Variants in CCDC171 observed in about 807,000 individuals in gnomAD.
CCDC171 encodes coiled-coil domain containing 171.
In CCDC171, 177 loss-of-function variants were observed where a neutral mutation model predicts 168.2. The ratio of observed to expected loss-of-function variants is 1.05; its 90% CI spans 0.93 to 1.19. The LOEUF (loss-of-function observed/expected upper bound fraction) is 1.19, where lower values mean the gene tolerates loss of function less well. Among genes scored for constraint, CCDC171 ranks in the 50% most tolerant of loss-of-function variants. The probability of loss-of-function intolerance (pLI) is 0.00; values close to 1 mark genes in which losing one functional copy is unlikely to be tolerated. For missense variants in CCDC171, 1,991 were observed against 1,539.0 expected, an observed-to-expected ratio of 1.29 and a Z score of -4.91; for synonymous variants, 687 against 540.8, an observed-to-expected ratio of 1.27 and a Z score of -3.75.
chr9:15,624,795 C>T (rs1318741748), intron 7 of CCDC171, among the ~76,000 whole-genome samples: 1 of 152,060 alleles, frequency 6.6e-6, no homozygotes, highest in Admixed American at 6.6e-5. Context: ...GTCTTTATAG[C>T]AGCATGATTT....
chr9:15,571,448 T>A (rs1263357378), intron 2 of CCDC171, among the ~76,000 whole-genome samples, 176 bp from the exon 3 acceptor site: 2 of 152,160 alleles, frequency 1.3e-5, no homozygotes, highest in Non-Finnish European at 2.9e-5. Context: ...ATATACTACT[T>A]TGTATTTCTA....
intron 6 of CCDC171, among the ~76,000 whole-genome samples, chr9:15,620,441 G>A (rs1287057526): frequency 1.3e-5 from 2 of 152,164 alleles, no homozygotes; most frequent in African/African-American, 4.8e-5. Flanking sequence ...ATAAGTTACT[G>A]TAGGTTAGAA....
the CCDC171 span, among the ~76,000 whole-genome samples, chr9:16,082,152 A>G: frequency 6.6e-6 from 1 of 152,238 alleles, no homozygotes; most frequent in Admixed American, 6.5e-5. Context: ...AAGAAAAATC[A>G]TGACCTTTCA....
rs779856240 is a variant in CCDC171 at position 15,745,615 on chromosome 9, C to T, written c.2655C>T (p.Asp885=). 1.4e-5 allele frequency: 21 copies of T among 1,553,256 alleles called. No homozygotes were observed. The highest frequency in any genetic ancestry group is 7.4e-5 in the East Asian group (3 of 40,654). Residue 885 remains aspartate (D), a synonymous_variant, in exon 18 of 26, where the codon GAC becomes GAT. Transcript: ENST00000380701. ...TCAGTTCTATGGCTGAATTACAAGA[C>T]GTCATTGGTAAAGCAGGTATGGTTC... ...AIISSMAELQ[D]VIGKADPNSR...
At chr9:15,794,794 C>T (rs1256993957) in intron 21 of CCDC171, among the ~76,000 whole-genome samples, 1 of 152,192 alleles carries the variant, frequency 6.6e-6, no homozygotes, top group Admixed American at 6.5e-5. Context: ...GTTAAACCAG[C>T]CTTGTATTCC....
intron 16 of CCDC171, among the ~76,000 whole-genome samples, chr9:15,738,491 T>C: frequency 6.6e-6 from 1 of 152,198 alleles, no homozygotes; most frequent in East Asian, 1.9e-4. Context: ...ATATTATTTT[T>C]CGAAATTAAA....
At chr9:15,714,159 G>A (rs1404056842) in intron 11 of CCDC171, among the ~76,000 whole-genome samples, 1 of 152,146 alleles carries the variant, frequency 6.6e-6, no homozygotes, top group African/African-American at 2.4e-5. Flanking sequence ...GATGTGGTAG[G>A]AATCACCATG....
intron 3 of CCDC171, among the ~76,000 whole-genome samples, chr9:15,981,613 C>G (rs958825534): frequency 1.3e-5 from 2 of 152,144 alleles, no homozygotes; most frequent in African/African-American, 4.8e-5. Context: ...TAAGTTGTAA[C>G]TACCTAAACA....
At chr9:15,930,466 T>G (rs201228837) in intron 25 of CCDC171, among the ~76,000 whole-genome samples, 2 of 151,638 alleles carry the variant, frequency 1.3e-5, no homozygotes, top group East Asian at 3.9e-4. Flanking sequence ...AACATACCAC[T>G]TAAATGATTT....
intron 21 of CCDC171, among the ~76,000 whole-genome samples, chr9:15,793,558 T>G (rs1293097702): frequency 2.2e-5 from 1 of 44,478 alleles, no homozygotes; most frequent in Non-Finnish European, 5.7e-5. Flanking sequence ...AAGGTTTTTT[T>G]TTTTTTTTTT....
intron 8 of CCDC171, among the ~76,000 whole-genome samples, chr9:15,659,372 C>A (rs2048156489): frequency 6.6e-6 from 1 of 152,132 alleles, no homozygotes; most frequent in Admixed American, 6.5e-5. Context: ...AATGTTTTCT[C>A]AGCATTTGAT....
intron 21 of CCDC171, among the ~76,000 whole-genome samples, chr9:15,822,648 G>C (rs200028920): frequency 2.6e-5 from 4 of 152,104 alleles, no homozygotes; most frequent in Non-Finnish European, 5.9e-5. Context: ...CCATCTCACA[G>C]CAGTTAGAAT....
Position 15,721,822 on chromosome 9 carries a change from T to C in CCDC171, c.1372T>C (p.Leu458=), listed in dbSNP as rs750110352. Residue 458 remains leucine (L), a synonymous_variant, in exon 12 of 26, where the codon TTG becomes CTG. Transcript: ENST00000380701. ...PPSFSVVLER[L]RRTLTDYQNK... Reference sequence around the variant, plus strand: ...CAGCTTCTCTGTTGTCCTTGAGAGATTGAGGCGTACCTTGACAGATTACCA... The same window carrying C: ...CAGCTTCTCTGTTGTCCTTGAGAGACTGAGGCGTACCTTGACAGATTACCA... 6 of 1,567,328 alleles carry C rather than the reference T, an allele frequency of 3.8e-6. No homozygotes were observed. In the African/African-American group the frequency reaches 8.3e-5, roughly 22 times the overall value.
intron 2 of CCDC171, among the ~76,000 whole-genome samples, chr9:15,564,564 C>T (rs946826996): frequency 4.6e-5 from 7 of 152,190 alleles, no homozygotes; most frequent in African/African-American, 1.4e-4. Context: ...GTTTCGCTTC[C>T]TTACTTGGTA....
chr9:15,873,170 T>G (rs2131208629), intron 23 of CCDC171, among the ~76,000 whole-genome samples: 1 of 152,166 alleles, frequency 6.6e-6, no homozygotes. Flanking sequence ...GCGTGAACAG[T>G]TAAAGATGCC....
chr9:15,776,554 C>T (rs2057338731), intron 18 of CCDC171, among the ~76,000 whole-genome samples: 1 of 152,110 alleles, frequency 6.6e-6, no homozygotes, highest in Non-Finnish European at 1.5e-5. Context: ...TTTTCAAATT[C>T]TGGCTGCTAC....
chr9:15,728,283 A>G (rs1398770415), intron 15 of CCDC171, among the ~76,000 whole-genome samples: 1 of 152,146 alleles, frequency 6.6e-6, no homozygotes, highest in African/African-American at 2.4e-5. Flanking sequence ...TAATACTACT[A>G]GCCAGTATTA....
chr9:15,992,546 C>T (rs1023341002), intron 3 of CCDC171, among the ~76,000 whole-genome samples: 3 of 152,156 alleles, frequency 2.0e-5, no homozygotes, highest in Non-Finnish European at 2.9e-5. Flanking sequence ...GACAGGGATG[C>T]CCTCTCTCAC....
At chr9:15,849,995 A>G (rs2061058661) in intron 23 of CCDC171, among the ~76,000 whole-genome samples, 1 of 151,904 alleles carries the variant, frequency 6.6e-6, no homozygotes, top group Admixed American at 6.6e-5. Flanking sequence ...CTTTGAAATT[A>G]TTATTTCTCC....
Sources: gnomAD v4.1 joint callset for allele counts (sites outside exome capture counted in the v4.1 genomes callset) on GRCh38, gnomAD v4.1.1 for gene constraint, MANE v1.5 for transcripts, NCBI Gene and HGNC (gene_info 2026-07-23, HGNC 2026-07-21) for gene names.